RASSF7: variants seen among roughly 807,000 people sequenced by gnomAD.
RASSF7 encodes ras association domain-containing protein 7.
Under a neutral mutation model 33.8 loss-of-function variants are expected in RASSF7, and 41 were observed. The ratio of observed to expected loss-of-function variants is 1.21; its 90% confidence interval spans 0.95 to 1.57. The LOEUF is 1.57. Ranked by LOEUF, RASSF7 falls within the 40% of genes most tolerant of loss-of-function variation. The probability of loss-of-function intolerance (pLI) is 0.00; values close to 1 mark genes in which losing one functional copy is unlikely to be tolerated. For missense variants in RASSF7, 622 were observed against 497.0 expected, an observed-to-expected ratio of 1.25 and a Z score of -2.39; for synonymous variants, 298 against 212.8, an observed-to-expected ratio of 1.40 and a Z score of -3.48.
rs991920085 is a variant in RASSF7, at chr11:563,106, C to T, written c.823-83C>T. 1.1e-5 allele frequency: 15 copies of T among 1,368,096 alleles called. No homozygotes were observed. The Admixed American group carries it at 1.4e-4, about 13-fold the overall frequency. 84.7% of individuals were successfully genotyped at this position (1,368,096 alleles called of 1,614,324 possible). ...GGGCAGATATGGGGGTCACAGGGCC[C>T]GACCAGGGAAAGTGCTCCCTCCGGA... On this transcript the variant is annotated intron_variant, in intron 3 of 5. Transcript: ENST00000397583.
chr11:562,078 G>A lies in RASSF7; in HGVS notation c.125-1G>A. Reference sequence around the variant, plus strand: ...GGCTGACCTTCTCCTCTTCTTCCCAGGCCAGACTGGCCGCTTTGTGCTTGT... The same window carrying A: ...GGCTGACCTTCTCCTCTTCTTCCCAAGCCAGACTGGCCGCTTTGTGCTTGT... On this transcript the variant is annotated splice_acceptor_variant, in intron 2 of 5. Transcript: ENST00000397583. LOFTEE classifies it high-confidence loss of function. The A allele has an allele frequency of 6.6e-7, 1 of 1,511,170 alleles. No homozygotes were observed. The highest frequency in any genetic ancestry group is 1.3e-5 in the South Asian group (1 of 77,026). 93.6% of individuals were successfully genotyped at this position (1,511,170 alleles called of 1,614,324 possible).
intron 3 of RASSF7, 146 bp from the exon 4 acceptor site, chr11:563,043 G>C (rs747889299): frequency 1.2e-6 from 1 of 808,000 alleles, no homozygotes; most frequent in African/African-American, 1.7e-5. Context: ...AGGTGAGCCC[G>C]GGGACCTGAT....
At position 562,404 on chromosome 11, in the gene RASSF7, C is replaced by G. The variant is rs905094773; in HGVS notation, c.450C>G (p.Gly150=). 4.5e-6 allele frequency: 7 copies of G among 1,568,014 alleles called. No individual in the cohort carries two copies. The highest frequency in any genetic ancestry group is 6.1e-6 in the Non-Finnish European group (7 of 1,156,404). ...CGGCCCCTGTGACACCCACACCAGG[C>G]TGCTGCACAGACCTGCGGGGCCTGG... The part of the protein sequence containing the change: ...GPAAPVTPTP[G]CCTDLRGLEL... Residue 150 remains glycine, a synonymous_variant, in exon 3 of 6, where the codon GGC becomes GGG. Transcript: ENST00000397583.
At position 563,337 on chromosome 11, in the gene RASSF7, G is replaced by A. The variant is rs765010448; in HGVS notation, c.951+20G>A. ...ACTCAGGTCGGAGTGGTTCTGGGGG[G>A]AGGCTGGGAGGTGAGGACCTGGCCC... On this transcript the variant is annotated intron_variant, in intron 4 of 5. Transcript: ENST00000397583. 6.2e-7 allele frequency: 1 copy of A among 1,606,194 alleles called. No homozygotes were observed. The highest frequency in any genetic ancestry group is 1.3e-5 in the African/African-American group (1 of 74,882).
At chr11:561,737 C>T (rs897504934) in intron 1 of RASSF7, 25 bp from the exon 2 acceptor site, 53 of 1,612,530 alleles carry the variant, frequency 3.3e-5, no homozygotes, top group Non-Finnish European at 4.2e-5. Flanking sequence ...CAGGTCCTGA[C>T]CCGGTGCCTG....
chr11:563,369 A>C, intron 4 of RASSF7, 27 bp from the exon 5 acceptor site: 1 of 1,608,820 alleles, frequency 6.2e-7, no homozygotes, highest in Non-Finnish European at 8.5e-7. Context: ...GCCCAGCCCC[A>C]CTCCAAGCTG....
chr11:561,369 C>T lies in RASSF7; in HGVS notation c.-116C>T, dbSNP rs1853291595. The T allele has an allele frequency of 1.1e-5, 11 of 1,047,212 alleles. No homozygotes were observed. In the South Asian group the frequency reaches 3.6e-4, roughly 34 times the overall value. The allele number at this position is 1,047,212 out of a possible 1,614,324, so 64.9% of individuals were successfully genotyped here. A position where few individuals can be genotyped will look rare whatever the true frequency, so the allele number is the denominator to read the frequency against. On this transcript the variant is annotated 5_prime_UTR_variant, in exon 1 of 6. Coordinates refer to ENST00000397583, the MANE Select transcript of RASSF7 (RefSeq NM_003475.4). The stretch of plus-strand genomic sequence containing the variant: ...GTCTGGGTTGCGACCCCGAGCGCCT[C>T]TGCGGCCTGAGCAGGTCGGGGTGGG...
chr11:561,761 G>C lies in RASSF7; in HGVS notation c.-7-1G>C, dbSNP rs1234974558. The C allele has an allele frequency of 3.1e-6, 5 of 1,613,280 alleles. No individual in the cohort carries two copies. The highest frequency in any genetic ancestry group is 3.4e-6 in the Non-Finnish European group (4 of 1,180,010). ...ACCCGGTGCCTGCGCCCTCCCCACA[G>C]GACAGGCATGTTGTTGGGACTGGCG... On this transcript the variant is annotated splice_acceptor_variant, in intron 1 of 5. Coordinates refer to ENST00000397583, the MANE Select transcript of RASSF7 (RefSeq NM_003475.4). LOFTEE classifies it low-confidence loss of function (5UTR_SPLICE).
In RASSF7 at chr11:563,226, T is replaced by C; in HGVS notation, c.860T>C (p.Leu287Pro). 1.2e-6 allele frequency: 2 copies of C among 1,601,780 alleles called. No homozygotes were observed. Among genetic ancestry groups the C allele is most frequent in the Non-Finnish European group, 1.7e-6 (2 of 1,172,208 alleles). Residue 287 changes from leucine (L) to proline (P), a missense_variant, in exon 4 of 6, where the codon CTC (leucine) becomes CCC (proline). Leu to Pro is a moderately conservative substitution (Grantham distance 98). Transcript: ENST00000397583. Reference protein sequence around the residue: ...AQELEELNRELRQCNLQQFIQ... With the variant: ...AQELEELNREPRQCNLQQFIQ... ...GAGCTGGAGGAGCTGAACCGAGAGC[T>C]CCGTCAGTGCAACCTGCAGCAGTTC...
intron 2 of RASSF7, 35 bp from the exon 3 acceptor site, chr11:562,044 G>C: frequency 1.3e-6 from 2 of 1,503,122 alleles, no homozygotes; most frequent in Non-Finnish European, 1.8e-6. Context: ...AGAGAGTCGG[G>C]GGGACATAGG....
Position 563,861 on chromosome 11 carries a change from G to A in RASSF7, c.*216G>A, listed in dbSNP as rs1306137702. ...GAACTTGCCAGGCCCCAAAGGCCAC[G>A]ACTGCCTGTTGGGGACAGGAGATGC... On this transcript the variant is annotated 3_prime_UTR_variant, in exon 6 of 6. Coordinates refer to ENST00000397583, the MANE Select transcript of RASSF7 (RefSeq NM_003475.4). 20 of 593,544 alleles carry A rather than the reference G, an allele frequency of 3.4e-5. No homozygotes were observed. In the East Asian group the frequency reaches 3.6e-4, roughly 11 times the overall value. 36.8% of individuals were successfully genotyped at this position (593,544 alleles called of 1,614,324 possible). A position where few individuals can be genotyped will look rare whatever the true frequency, so the allele number is the denominator to read the frequency against.
intron 5 of RASSF7, 22 bp downstream of exon 5, chr11:563,500 C>T (rs936919840): frequency 2.5e-6 from 4 of 1,609,282 alleles, no homozygotes; most frequent in Admixed American, 3.4e-5. Flanking sequence ...CCCCACCTCC[C>T]CCTGGGGCAC....
chr11:563,245 G>C lies in RASSF7; in HGVS notation c.879G>C (p.Gln293His), dbSNP rs367611875. The C allele has an allele frequency of 5.6e-6, 9 of 1,610,398 alleles. No homozygotes were observed. The highest frequency in any genetic ancestry group is 2.7e-5 in the African/African-American group (2 of 75,006). ...GAGAGCTCCGTCAGTGCAACCTGCA[G>C]CAGTTCATCCAGCAGACCGGGGCTG... The part of the protein sequence containing the change: ...LNRELRQCNL[Q>H]QFIQQTGAAL... Residue 293 changes from glutamine to histidine, a missense_variant, in exon 4 of 6, where the codon CAG becomes CAC. Coordinates refer to ENST00000397583, the MANE Select transcript of RASSF7 (RefSeq NM_003475.4).
chr11:563,598 C>A lies in RASSF7; in HGVS notation c.1075C>A (p.Pro359Thr). The change falls in exon 6 of 6, where the codon CCT (proline) becomes ACT (threonine). Residue 359 changes from proline (P) to threonine (T), a missense_variant. Physicochemically the swap from Pro to Thr is conservative, Grantham distance 38. Transcript: ENST00000397583. ...DAELLEVAAA[P>T]APEWCPLAAQ... ...AGAACTCCTGGAGGTAGCAGCAGCTCCTGCCCCAGAGTGGTGTCCTCTGGC... is the reference window on the plus strand; with the variant it reads ...AGAACTCCTGGAGGTAGCAGCAGCTACTGCCCCAGAGTGGTGTCCTCTGGC... 6.2e-7 allele frequency: 1 copy of A among 1,612,072 alleles called. No individual in the cohort carries two copies. The highest frequency in any genetic ancestry group is 8.5e-7 in the Non-Finnish European group (1 of 1,179,910).
At position 562,129 on chromosome 11, in the gene RASSF7, C is replaced by T. The variant is rs1485426843; in HGVS notation, c.175C>T (p.Gln59Ter). 1.3e-6 allele frequency: 2 copies of T among 1,541,526 alleles called. No homozygotes were observed. The highest frequency in any genetic ancestry group is 8.7e-7 in the Non-Finnish European group (1 of 1,144,442). ...GCAGCGGCTTCGGGAGAAGGAGCGG[C>T]AGTTGCTGCCACAAGAGTGTCCAGT... ...LVQRLREKER[Q>*]LLPQECPVGA... The change falls in exon 3 of 6, where the codon CAG becomes TAG. Residue 59 changes from glutamine to a stop codon, truncating the protein, a stop_gained. Coordinates refer to ENST00000397583, the MANE Select transcript of RASSF7 (RefSeq NM_003475.4). LOFTEE classifies it high-confidence loss of function.
chr11:563,443 T>C lies in RASSF7; in HGVS notation c.999T>C (p.Ser333=). 6.2e-7 allele frequency: 1 copy of C among 1,611,692 alleles called. No homozygotes were observed. Among genetic ancestry groups the C allele is most frequent in the Middle Eastern group, 1.7e-4 (1 of 6,054 alleles). The change falls in exon 5 of 6, where the codon TCT becomes TCC. Residue 333 remains serine, a synonymous_variant. Coordinates refer to ENST00000397583, the MANE Select transcript of RASSF7 (RefSeq NM_003475.4). ...AGGAGTCCCTCCTGGGCGCTCCCTC[T>C]GAGTCCCATGCTGGTGCCCAGCCTA... ...AREESLLGAP[S]ESHAGAQPRP...
chr11:563,503 TG>T, intron 5 of RASSF7, 25 bp downstream of exon 5: 1 of 1,609,224 alleles, frequency 6.2e-7, no homozygotes, highest in Non-Finnish European at 8.5e-7. Flanking sequence ...CACCTCCCCC[TG>T]GGGCACCGGG....
At position 562,641 on chromosome 11, in the gene RASSF7, G is replaced by GC. The variant is rs1853389358; in HGVS notation, c.693dup (p.Ser232LeufsTer8). On this transcript the variant is annotated frameshift_variant, in exon 3 of 6. Coordinates refer to ENST00000397583, the MANE Select transcript of RASSF7 (RefSeq NM_003475.4). LOFTEE classifies it high-confidence loss of function. ...TGCAGCTGGCAGCGGAGGCCCCTGGGCCCCCCTCACCTATGGCATCTGCCA... is the reference window on the plus strand; with the variant it reads ...TGCAGCTGGCAGCGGAGGCCCCTGGGCCCCCCCTCACCTATGGCATCTGCCA... 1.9e-6 allele frequency: 3 copies of GC among 1,543,598 alleles called. No individual in the cohort carries two copies. The highest frequency in any genetic ancestry group is 1.2e-5 in the South Asian group (1 of 83,958).
chr11:563,514 G>C, intron 5 of RASSF7, 36 bp downstream of exon 5: 2 of 1,609,576 alleles, frequency 1.2e-6, no homozygotes, highest in Non-Finnish European at 8.5e-7. Context: ...GGGGCACCGG[G>C]CCCTCCTGTG....
Sources: allele counts gnomAD v4.1 joint callset, GRCh38; gene constraint gnomAD v4.1.1; transcripts MANE v1.5; gene names NCBI Gene and HGNC (gene_info 2026-07-23, HGNC 2026-07-21).